NOVA1: variants seen among roughly 807,000 people sequenced by gnomAD.
NOVA1 encodes the protein NOVA alternative splicing regulator 1, also known as RNA-binding protein Nova-1.
NOVA1 carries 7 observed loss-of-function variants against 38.0 expected under a neutral mutation model. The ratio of observed to expected loss-of-function variants is 0.18; its 90% CI spans 0.10 to 0.35. The LOEUF is 0.35. Among genes scored for constraint, NOVA1 ranks in the 10% least tolerant of loss-of-function variants. The pLI is 1.00. For missense variants in NOVA1, 460 were observed against 616.0 expected (o/e 0.75, Z 2.68); for synonymous variants, 270 against 232.5 (o/e 1.16, Z -1.47).
chr14:26,583,296 T>C (rs1423481121), intron 2 of NOVA1, among the ~76,000 whole-genome samples: 1 of 151,680 alleles, frequency 6.6e-6, no homozygotes, highest in Non-Finnish European at 1.5e-5. Context: ...AAAAAACATG[T>C]ATGCAACTCT....
intron 3 of NOVA1, among the ~76,000 whole-genome samples, chr14:26,475,645 T>A (rs1039432233): frequency 6.6e-6 from 1 of 152,228 alleles, no homozygotes; most frequent in African/African-American, 2.4e-5. Flanking sequence ...GGCTGTTTAA[T>A]AATTCTTTAG....
intron 2 of NOVA1, among the ~76,000 whole-genome samples, chr14:26,493,788 C>T (rs138760410): frequency 6.6e-6 from 1 of 152,258 alleles, no homozygotes; most frequent in Non-Finnish European, 1.5e-5. Flanking sequence ...TGCCCCTACT[C>T]ATTAATCTGC....
chr14:26,505,234 T>C (rs975876342), intron 2 of NOVA1, among the ~76,000 whole-genome samples: 7 of 152,218 alleles, frequency 4.6e-5, no homozygotes, highest in Non-Finnish European at 1.0e-4. Flanking sequence ...ATGGCTGATA[T>C]GGTTTGGTAC....
At chr14:26,583,382 G>T (rs1287309972) in intron 2 of NOVA1, among the ~76,000 whole-genome samples, 1 of 151,368 alleles carries the variant, frequency 6.6e-6, no homozygotes, top group African/African-American at 2.4e-5. Flanking sequence ...TAAGGAAATG[G>T]GACTTTTCTT....
intron 2 of NOVA1, among the ~76,000 whole-genome samples, chr14:26,567,290 A>ATT (rs372263187): frequency 0.064 from 5,992 of 93,504 alleles, 257 homozygotes; most frequent in East Asian, 0.12. Context: ...GTCTTGTTTA[A>ATT]TTTTTTTTTT....
chr14:26,456,985 A>T (rs1447096741), intron 4 of NOVA1, among the ~76,000 whole-genome samples: 1 of 151,810 alleles, frequency 6.6e-6, no homozygotes, highest in Non-Finnish European at 1.5e-5. Context: ...ACACATATAT[A>T]TATATGTAGT....
At chr14:26,560,559 C>G (rs1388135501) in intron 2 of NOVA1, among the ~76,000 whole-genome samples, 4 of 152,054 alleles carry the variant, frequency 2.6e-5, no homozygotes, top group African/African-American at 9.7e-5. Context: ...TAGAATCTAT[C>G]AGATTTTGTA....
chr14:26,544,293 A>C (rs548885890), intron 2 of NOVA1, among the ~76,000 whole-genome samples: 19 of 152,146 alleles, frequency 1.2e-4, no homozygotes, highest in African/African-American at 4.6e-4. Context: ...CAACCGCATC[A>C]AGGAACTATA....
At chr14:26,488,771 C>T (rs1305362516) in intron 2 of NOVA1, among the ~76,000 whole-genome samples, 1 of 152,062 alleles carries the variant, frequency 6.6e-6, no homozygotes, top group East Asian at 1.9e-4. Context: ...TAGAGATTTG[C>T]TGACTTGTCT....
At chr14:26,465,994 G>A (rs1884096671) in intron 4 of NOVA1, among the ~76,000 whole-genome samples, 1 of 152,078 alleles carries the variant, frequency 6.6e-6, no homozygotes, top group Non-Finnish European at 1.5e-5. Flanking sequence ...GGAAGGGGGA[G>A]GCCAGGTTGC....
At chr14:26,504,000 ATC>A (rs1356049008) in intron 2 of NOVA1, among the ~76,000 whole-genome samples, 1 of 152,176 alleles carries the variant, frequency 6.6e-6, no homozygotes, top group African/African-American at 2.4e-5. Flanking sequence ...AAAATCATAA[ATC>A]TCTCTTTATA....
intron 2 of NOVA1, among the ~76,000 whole-genome samples, chr14:26,572,442 C>T (rs1222045969): frequency 1.3e-5 from 2 of 152,024 alleles, no homozygotes; most frequent in South Asian, 2.1e-4. Context: ...TTTATCTACT[C>T]GATTATTCAT....
chr14:26,595,811 C>T (rs1594602163), intron 1 of NOVA1: 2 of 351,212 alleles, frequency 5.7e-6, no homozygotes, highest in East Asian at 5.8e-5. Flanking sequence ...TTTTGCAGCA[C>T]TGTAAAAACT....
intron 2 of NOVA1, among the ~76,000 whole-genome samples, chr14:26,537,634 A>G (rs1890197818): frequency 6.6e-6 from 1 of 152,180 alleles, no homozygotes; most frequent in Non-Finnish European, 1.5e-5. Flanking sequence ...ATTACCCACC[A>G]TATGCCCAAC....
At chr14:26,458,400 T>C (rs1472428229) in intron 4 of NOVA1, among the ~76,000 whole-genome samples, 1 of 152,084 alleles carries the variant, frequency 6.6e-6, no homozygotes, top group Non-Finnish European at 1.5e-5. Flanking sequence ...ACAACACTAT[T>C]CAAAATAGCA....
At chr14:26,583,910 CACACACACACAT>C (rs759568553) in intron 2 of NOVA1, among the ~76,000 whole-genome samples, 169 of 148,182 alleles carry the variant, frequency 1.1e-3, no homozygotes, top group Admixed American at 1.7e-3. Context: ...CACACACACA[CACACACACACAT>C]ATATTGTATA....
At chr14:26,596,466 C>T (rs1203175883) in intron 1 of NOVA1, 1 of 1,080,696 alleles carries the variant, frequency 9.3e-7, no homozygotes, top group East Asian at 5.9e-5. Context: ...CAGGAGACAC[C>T]CCGGTAAATC....
In NOVA1 at chr14:26,512,956, TA is replaced by T. The variant is rs976922095; in HGVS notation, c.281-32814del. 6.8e-4 allele frequency among the ~76,000 whole-genome samples: 104 copies of T among 152,106 alleles called. 1 individual carries two copies. Among genetic ancestry groups the T allele is most frequent in the African/African-American group, 2.3e-3 (97 of 41,564 alleles). On this transcript the variant is annotated intron_variant, in intron 2 of 4. Coordinates refer to ENST00000539517, the MANE Select transcript of NOVA1 (RefSeq NM_002515.3). ...TACCTGCAATTAATTTTCAAGTGTA[TA>T]AAAAATACTTTTTAAATGTCTTAAT...
intron 2 of NOVA1, among the ~76,000 whole-genome samples, chr14:26,556,376 G>A (rs927724067): frequency 6.6e-6 from 1 of 152,104 alleles, no homozygotes; most frequent in African/African-American, 2.4e-5. Flanking sequence ...TTTCACTAAA[G>A]AGAGGAGGTA....
Sources: allele counts gnomAD v4.1 joint callset (sites outside exome capture counted in the v4.1 genomes callset), GRCh38; gene constraint gnomAD v4.1.1; transcripts MANE v1.5; gene names NCBI Gene and HGNC (gene_info 2026-07-23, HGNC 2026-07-21).